Variants in ENTHD1 observed in about 807,000 individuals in gnomAD.
ENTHD1 encodes ENTH domain-containing protein 1.
Under a neutral mutation model 39.1 loss-of-function variants are expected in ENTHD1, and 23 were observed. The observed-to-expected ratio is 0.59, with a 90% CI of 0.42 to 0.83. The LOEUF (loss-of-function observed/expected upper bound fraction) is 0.83, where lower values mean the gene tolerates loss of function less well. ENTHD1 is among the 40% of genes least tolerant of loss of function. ENTHD1 has a pLI of 0.00. For synonymous variants in ENTHD1, 230 were observed against 258.2 expected, an observed-to-expected ratio of 0.89 and a Z score of 1.05; for missense variants, 624 against 705.4, an observed-to-expected ratio of 0.88 and a Z score of 1.31.
chr22:39,870,628 A>G (rs1050819136), intron 2 of ENTHD1, among the ~76,000 whole-genome samples: 4 of 152,196 alleles, frequency 2.6e-5, no homozygotes, highest in Non-Finnish European at 5.9e-5. Flanking sequence ...TAAACCTACA[A>G]ATTCCTTCTT....
intron 3 of ENTHD1, among the ~76,000 whole-genome samples, chr22:39,850,618 T>C (rs1169467712): frequency 1.3e-5 from 2 of 152,190 alleles, no homozygotes; most frequent in Non-Finnish European, 2.9e-5. Flanking sequence ...TTGCCCTTTA[T>C]AAAATTTTAT....
intron 2 of ENTHD1, among the ~76,000 whole-genome samples, chr22:39,869,008 G>T (rs995332878): frequency 2.0e-5 from 3 of 152,194 alleles, no homozygotes; most frequent in Non-Finnish European, 4.4e-5. Context: ...GGGGACACTT[G>T]TATACTACTG....
intron 5 of ENTHD1, among the ~76,000 whole-genome samples, chr22:39,814,329 G>A (rs1286122394): frequency 2.8e-5 from 4 of 144,206 alleles, no homozygotes; most frequent in Non-Finnish European, 4.6e-5. Flanking sequence ...GTGTGGTGGT[G>A]TGAGCCTGTA....
chr22:39,857,162 G>A (rs1270082822), intron 3 of ENTHD1, among the ~76,000 whole-genome samples: 1 of 152,058 alleles, frequency 6.6e-6, no homozygotes, highest in East Asian at 1.9e-4. Flanking sequence ...AATCTGTGGG[G>A]CTGGGCGCAG....
chr22:39,841,336 A>G (rs1382263826), intron 3 of ENTHD1, among the ~76,000 whole-genome samples: 1 of 152,198 alleles, frequency 6.6e-6, no homozygotes, highest in East Asian at 1.9e-4. Flanking sequence ...TGGGAGAGCC[A>G]TTAGGGAGCG....
At chr22:39,836,122 G>A (rs1025689384) in intron 3 of ENTHD1, among the ~76,000 whole-genome samples, 164 bp from the exon 4 acceptor site, 4 of 151,932 alleles carry the variant, frequency 2.6e-5, no homozygotes, top group African/African-American at 9.7e-5. Context: ...ACTTTAATAT[G>A]TCTCTTTGTA....
At chr22:39,762,772 A>T (rs2065246006) in intron 6 of ENTHD1, among the ~76,000 whole-genome samples, 1 of 152,124 alleles carries the variant, frequency 6.6e-6, no homozygotes, top group Non-Finnish European at 1.5e-5. Flanking sequence ...TTTAAAATAG[A>T]TACTAGTATT....
intron 3 of ENTHD1, among the ~76,000 whole-genome samples, chr22:39,848,731 T>C (rs966993039): frequency 7.2e-5 from 11 of 152,172 alleles, no homozygotes; most frequent in African/African-American, 2.2e-4. Flanking sequence ...CTCAAAACTC[T>C]GCCTACCACA....
intron 3 of ENTHD1, among the ~76,000 whole-genome samples, chr22:39,849,499 T>C (rs1332067838): frequency 5.3e-5 from 8 of 152,188 alleles, no homozygotes; most frequent in Non-Finnish European, 1.2e-4. Flanking sequence ...TCTAGACAAT[T>C]TGGAGAGAAC....
intron 2 of ENTHD1, chr22:39,875,402 C>T: frequency 6.8e-7 from 1 of 1,460,946 alleles, no homozygotes; most frequent in South Asian, 1.4e-5. Context: ...GCCCGCCACC[C>T]CGGAGCAGCC....
At chr22:39,798,820 T>C (rs910362550) in intron 5 of ENTHD1, among the ~76,000 whole-genome samples, 3 of 152,108 alleles carry the variant, frequency 2.0e-5, no homozygotes, top group Non-Finnish European at 4.4e-5. Context: ...GTAGCAGTGG[T>C]GGGACAACCG....
At chr22:39,773,874 A>G (rs2065346769) in intron 5 of ENTHD1, among the ~76,000 whole-genome samples, 1 of 152,226 alleles carries the variant, frequency 6.6e-6, no homozygotes, top group South Asian at 2.1e-4. Context: ...TGTCTGAACC[A>G]AGCTAAAAGC....
chr22:39,789,053 G>T (rs1439377390), intron 5 of ENTHD1, among the ~76,000 whole-genome samples: 1 of 152,084 alleles, frequency 6.6e-6, no homozygotes, highest in Non-Finnish European at 1.5e-5. Context: ...CGGTGGTCTG[G>T]AATGGAACCC....
chr22:39,816,654 A>G (rs922159583), intron 5 of ENTHD1, among the ~76,000 whole-genome samples: 2 of 152,224 alleles, frequency 1.3e-5, no homozygotes, highest in Admixed American at 6.5e-5. Context: ...ATTCGCAAAT[A>G]CTTTAAATGC....
intron 5 of ENTHD1, among the ~76,000 whole-genome samples, chr22:39,795,008 A>G (rs2065536103): frequency 6.6e-6 from 1 of 152,132 alleles, no homozygotes; most frequent in African/African-American, 2.4e-5. Context: ...CTTTTTTGAC[A>G]TCTATTAAGA....
Position 39,748,074 on chromosome 22 carries a change from C to A in ENTHD1, c.1220-3791G>T, listed in dbSNP as rs572890567. ...GAACAGCCTGAGCAACATGGCGAAA[C>A]CCCTTCTCTACAAGAAGTACAAAAA... On this transcript the variant is annotated intron_variant, in intron 6 of 6. Transcript: ENST00000325157. 2.6e-5 allele frequency among the ~76,000 whole-genome samples: 4 copies of A among 152,064 alleles called. No homozygotes were observed. In the East Asian group the frequency reaches 7.7e-4, roughly 29 times the overall value.
intron 3 of ENTHD1, among the ~76,000 whole-genome samples, chr22:39,845,730 G>A (rs1038435621): frequency 6.6e-6 from 1 of 152,090 alleles, no homozygotes; most frequent in Non-Finnish European, 1.5e-5. Flanking sequence ...CATGTTTCCT[G>A]TTTTTCTAGA....
chr22:39,877,102 G>GTAAC (rs902216152), intron 2 of ENTHD1, among the ~76,000 whole-genome samples: 11 of 152,298 alleles, frequency 7.2e-5, no homozygotes, highest in African/African-American at 2.6e-4. Context: ...ATCACCTGTG[G>GTAAC]TAACTATGGT....
intron 2 of ENTHD1, chr22:39,875,747 G>A: frequency 5.0e-6 from 8 of 1,613,120 alleles, no homozygotes; most frequent in South Asian, 4.4e-5. Context: ...GGCGAAAATC[G>A]AAATCAAGTT....
Sources: gnomAD v4.1 joint callset for allele counts (sites outside exome capture counted in the v4.1 genomes callset) on GRCh38, gnomAD v4.1.1 for gene constraint, MANE v1.5 for transcripts, NCBI Gene and HGNC (gene_info 2026-07-23, HGNC 2026-07-21) for gene names.